The following OTOP1 variants were observed in gnomAD, a reference collection of about 807,000 sequenced individuals.
OTOP1 encodes the protein proton channel OTOP1.
Under a neutral mutation model 52.9 loss-of-function variants are expected in OTOP1, and 59 were observed. The ratio of observed to expected loss-of-function variants is 1.12; its 90% confidence interval spans 0.91 to 1.39. The LOEUF is 1.39. OTOP1 is among the 40% of genes most tolerant of loss of function. The pLI is 0.00. For missense variants in OTOP1, 761 were observed against 800.9 expected, an observed-to-expected ratio of 0.95 and a Z score of 0.60; for synonymous variants, 317 against 337.7, an observed-to-expected ratio of 0.94 and a Z score of 0.67.
At chr4:4,210,421 C>T (rs1717001593) in intron 2 of OTOP1, among the ~76,000 whole-genome samples, 1 of 152,184 alleles carries the variant, frequency 6.6e-6, no homozygotes, top group African/African-American at 2.4e-5. Flanking sequence ...AATCCAAGAT[C>T]AAGGTGTTGG....
At chr4:4,215,414 C>G (rs1717119078) in intron 1 of OTOP1, among the ~76,000 whole-genome samples, 1 of 152,176 alleles carries the variant, frequency 6.6e-6, no homozygotes, top group Non-Finnish European at 1.5e-5. Flanking sequence ...GTAATCCCAG[C>G]ACTTTGGGAT....
chr4:4,189,918 A>G (rs1716465460), intron 5 of OTOP1, among the ~76,000 whole-genome samples: 1 of 152,240 alleles, frequency 6.6e-6, no homozygotes, highest in Non-Finnish European at 1.5e-5. Flanking sequence ...GCCCCAGCCA[A>G]CAGTTTCAGC....
intron 4 of OTOP1, among the ~76,000 whole-genome samples, chr4:4,201,859 T>C (rs1434033952): frequency 1.3e-5 from 2 of 152,196 alleles, no homozygotes; most frequent in Non-Finnish European, 2.9e-5. Flanking sequence ...TCAGCCTGAA[T>C]GTTCTCATAT....
intron 1 of OTOP1, among the ~76,000 whole-genome samples, chr4:4,215,180 C>T (rs111566643): frequency 2.0e-5 from 3 of 152,190 alleles, no homozygotes; most frequent in Admixed American, 1.3e-4. Context: ...AAGGCAGGTG[C>T]TGTGTCCTGT....
Position 4,206,135 on chromosome 4 carries a change from A to G in OTOP1, c.541-5T>C. 6.3e-7 allele frequency: 1 copy of G among 1,597,322 alleles called. No individual in the cohort carries two copies. The highest frequency in any genetic ancestry group is 8.6e-7 in the Non-Finnish European group (1 of 1,165,656). On this transcript the variant is annotated splice_region_variant and splice_polypyrimidine_tract_variant and intron_variant, in intron 2 of 5. Transcript: ENST00000296358. The stretch of plus-strand genomic sequence containing the variant: ...ATGCCCCCAAAGAAAATATACCTAG[A>G]TGGAAATAAAGAAAGAAAAGAAAAA...
intron 3 of OTOP1, among the ~76,000 whole-genome samples, chr4:4,205,027 C>T (rs895527354): frequency 1.3e-5 from 2 of 152,210 alleles, no homozygotes; most frequent in African/African-American, 4.8e-5. Context: ...CCACCTGGGC[C>T]TCCCAAAGTG....
intron 5 of OTOP1, among the ~76,000 whole-genome samples, chr4:4,195,291 C>A (rs1192434323): frequency 6.6e-6 from 1 of 152,192 alleles, no homozygotes; most frequent in South Asian, 2.1e-4. Flanking sequence ...TGTACCTCTG[C>A]CTGAAATGCT....
chr4:4,191,548 G>A (rs764738406), intron 5 of OTOP1, among the ~76,000 whole-genome samples: 36 of 152,040 alleles, frequency 2.4e-4, no homozygotes, highest in Non-Finnish European at 3.7e-4. Flanking sequence ...AACCAGAACC[G>A]CTCACTCCCA....
intron 1 of OTOP1, among the ~76,000 whole-genome samples, chr4:4,220,632 T>A (rs1717279129): frequency 6.6e-6 from 1 of 152,202 alleles, no homozygotes; most frequent in South Asian, 2.1e-4. Flanking sequence ...CCTAGAACAG[T>A]GTTCCTTACC....
intron 2 of OTOP1, among the ~76,000 whole-genome samples, chr4:4,208,056 A>AT (rs1456752116): frequency 6.6e-6 from 1 of 152,156 alleles, no homozygotes; most frequent in Non-Finnish European, 1.5e-5. Flanking sequence ...TCCTACTAAG[A>AT]TAAAAAAACG....
At chr4:4,191,852 T>C (rs1025902757) in intron 5 of OTOP1, among the ~76,000 whole-genome samples, 1 of 152,078 alleles carries the variant, frequency 6.6e-6, no homozygotes, top group Non-Finnish European at 1.5e-5. Flanking sequence ...TCAACATGCA[T>C]AGCAGTCCCT....
At position 4,221,048 on chromosome 4, in the gene OTOP1, T is replaced by C. The variant is rs762266344; in HGVS notation, c.403+5414A>G. 9.2e-4 allele frequency among the ~76,000 whole-genome samples: 13 copies of C among 14,172 alleles called. No individual in the cohort carries two copies. The South Asian group carries it at 0.044, about 48-fold the overall frequency. The allele number at this position is 14,172 out of a possible 152,430, so 9.3% of individuals were successfully genotyped here. A position where few individuals can be genotyped will look rare whatever the true frequency, so the allele number is the denominator to read the frequency against. ...TATTTATATATTATTTTATTCTATT[T>C]TATTTTATTTTATTTTATTTTATTT... On this transcript the variant is annotated intron_variant, in intron 1 of 5. Coordinates refer to ENST00000296358, the MANE Select transcript of OTOP1 (RefSeq NM_177998.3).
At chr4:4,225,691 GCATT>G (rs1488513052) in intron 1 of OTOP1, among the ~76,000 whole-genome samples, 1 of 151,840 alleles carries the variant, frequency 6.6e-6, no homozygotes, top group Non-Finnish European at 1.5e-5. Context: ...CTGCATCCAC[GCATT>G]CATTATTTCA....
intron 5 of OTOP1, among the ~76,000 whole-genome samples, chr4:4,189,507 G>A (rs1340073231): frequency 2.6e-5 from 4 of 152,092 alleles, no homozygotes; most frequent in Admixed American, 1.3e-4. Context: ...CCACTCCCTG[G>A]CTGTGGCAGG....
intron 1 of OTOP1, among the ~76,000 whole-genome samples, chr4:4,220,319 G>A (rs1717273808): frequency 6.6e-6 from 1 of 151,554 alleles, no homozygotes; most frequent in Non-Finnish European, 1.5e-5. Context: ...AGACATAGAA[G>A]AATTGAATCA....
chr4:4,192,341 G>C (rs1356732666), intron 5 of OTOP1, among the ~76,000 whole-genome samples: 1 of 152,110 alleles, frequency 6.6e-6, no homozygotes, highest in Non-Finnish European at 1.5e-5. Flanking sequence ...TCTGCCCAAG[G>C]CTTCACCAAC....
intron 3 of OTOP1, among the ~76,000 whole-genome samples, chr4:4,205,519 T>A (rs1716885655): frequency 6.6e-6 from 1 of 152,170 alleles, no homozygotes; most frequent in Non-Finnish European, 1.5e-5. Context: ...CCAGCAGAGA[T>A]AAGAAAATCT....
rs767110647 is a variant in OTOP1, at chr4:4,226,484, G to A, written c.381C>T (p.His127=). The change falls in exon 1 of 6, where the codon CAC becomes CAT. Residue 127 remains histidine (H), a synonymous_variant. Coordinates refer to ENST00000296358, the MANE Select transcript of OTOP1 (RefSeq NM_177998.3). ...HRRLFRLKDT[H]AGAGWLRGSI... ...CACCGCGCAGCCAGCCGGCACCCGCGTGCGTGTCCTTGAGGCGGAAGAGGC... is the reference window on the plus strand; with the variant it reads ...CACCGCGCAGCCAGCCGGCACCCGCATGCGTGTCCTTGAGGCGGAAGAGGC... 17 of 1,547,510 alleles carry A rather than the reference G, an allele frequency of 1.1e-5. No individual in the cohort carries two copies. Among genetic ancestry groups the A allele is most frequent in the Non-Finnish European group, 1.5e-5 (17 of 1,155,090 alleles).
At chr4:4,209,688 G>A (rs1017297847) in intron 2 of OTOP1, among the ~76,000 whole-genome samples, 18 of 152,124 alleles carry the variant, frequency 1.2e-4, no homozygotes, top group Admixed American at 3.3e-4. Context: ...AATAGGTACT[G>A]TGATTGTCCC....
Sources: allele counts gnomAD v4.1 joint callset (sites outside exome capture counted in the v4.1 genomes callset), GRCh38; gene constraint gnomAD v4.1.1; transcripts MANE v1.5; gene names NCBI Gene and HGNC (gene_info 2026-07-23, HGNC 2026-07-21).